The following CACNA2D3 variants were observed in gnomAD, a reference collection of about 807,000 sequenced individuals.
The protein encoded by CACNA2D3 is calcium voltage-gated channel auxiliary subunit alpha2delta 3.
In CACNA2D3, 60 loss-of-function variants were observed where a neutral mutation model predicts 160.6. The ratio of observed to expected loss-of-function variants is 0.37; its 90% CI spans 0.30 to 0.46. The LOEUF (loss-of-function observed/expected upper bound fraction) is 0.46, where lower values mean the gene tolerates loss of function less well. Ranked by LOEUF, CACNA2D3 falls within the 20% of genes least tolerant of loss-of-function variation. The pLI is 1.00. For missense variants in CACNA2D3, 1,205 were observed against 1,365.0 expected, an observed-to-expected ratio of 0.88 and a Z score of 1.85; for synonymous variants, 558 against 492.9, an observed-to-expected ratio of 1.13 and a Z score of -1.75.
intron 2 of CACNA2D3, among the ~76,000 whole-genome samples, chr3:54,265,676 G>GTA (rs748735473): frequency 1.0e-4 from 13 of 128,088 alleles, no homozygotes; most frequent in African/African-American, 1.8e-4. Flanking sequence ...TATAGTGTGT[G>GTA]TATATATATA....
chr3:54,309,849 C>A (rs1268239228), intron 2 of CACNA2D3, among the ~76,000 whole-genome samples: 1 of 152,014 alleles, frequency 6.6e-6, no homozygotes, highest in Middle Eastern at 3.2e-3. Context: ...GCTCTGAATC[C>A]CTCAAGCCGG....
In CACNA2D3 at chr3:55,057,593, G is replaced by C. The variant is rs546733780; in HGVS notation, c.2988-15852G>C. Among the ~76,000 whole-genome samples the C allele has an allele frequency of 5.0e-3, 767 of 152,216 alleles. 8 individuals carry two copies. The highest frequency in any genetic ancestry group is 0.027 in the Middle Eastern group (8 of 294). On this transcript the variant is annotated intron_variant, in intron 35 of 37. Transcript: ENST00000474759. Reference sequence around the variant, plus strand: ...AATATTTTAGTATTATATTGGGAAGGGATCTTAGAAATCACTTATGAGGTA... The same window carrying C: ...AATATTTTAGTATTATATTGGGAAGCGATCTTAGAAATCACTTATGAGGTA...
In CACNA2D3 at chr3:54,285,328, A is replaced by G. The variant is rs1428104627; in HGVS notation, c.205-35114A>G. Among the ~76,000 whole-genome samples the G allele has an allele frequency of 2.6e-5, 4 of 152,324 alleles. No individual in the cohort carries two copies. The East Asian group carries it at 7.7e-4, about 29-fold the overall frequency. The stretch of plus-strand genomic sequence containing the variant: ...GTCCTACGCCCACGAAGTCTCGCTG[A>G]TAGCTAGCACAGCAGTCTGAGATCA... On this transcript the variant is annotated intron_variant, in intron 2 of 37. Coordinates refer to ENST00000474759, the MANE Select transcript of CACNA2D3 (RefSeq NM_018398.3).
intron 2 of CACNA2D3, among the ~76,000 whole-genome samples, chr3:54,193,283 C>G (rs757924164): frequency 6.6e-6 from 1 of 152,150 alleles, no homozygotes; most frequent in Non-Finnish European, 1.5e-5. Flanking sequence ...CTCCAGGTGA[C>G]CCAGCAGCAG....
intron 2 of CACNA2D3, among the ~76,000 whole-genome samples, chr3:54,181,306 C>A (rs1700778707): frequency 6.6e-6 from 1 of 152,156 alleles, no homozygotes; most frequent in Admixed American, 6.5e-5. Context: ...GTAACAACAA[C>A]CATGAGGGGT....
At chr3:54,767,536 C>T (rs1044993734) in intron 13 of CACNA2D3, among the ~76,000 whole-genome samples, 15 of 152,014 alleles carry the variant, frequency 9.9e-5, no homozygotes, top group African/African-American at 3.4e-4. Context: ...TCTAAAGGAC[C>T]TATAAGCAGT....
chr3:54,303,527 A>G (rs936725378), intron 2 of CACNA2D3, among the ~76,000 whole-genome samples: 7 of 152,204 alleles, frequency 4.6e-5, no homozygotes, highest in African/African-American at 1.7e-4. Context: ...GTTTGCACAT[A>G]TGCACTGTGC....
intron 27 of CACNA2D3, among the ~76,000 whole-genome samples, chr3:54,930,590 G>A (rs1701163263): frequency 1.3e-5 from 2 of 152,184 alleles, no homozygotes; most frequent in Non-Finnish European, 2.9e-5. Flanking sequence ...AGAACCAAAG[G>A]CAGTCAAGGA....
chr3:54,283,970 G>C (rs1702947713), intron 2 of CACNA2D3, among the ~76,000 whole-genome samples: 1 of 152,250 alleles, frequency 6.6e-6, no homozygotes, highest in South Asian at 2.1e-4. Context: ...GCTGAGGCAC[G>C]GGAATTGCTT....
intron 11 of CACNA2D3, among the ~76,000 whole-genome samples, chr3:54,750,719 C>T (rs1030324263): frequency 6.6e-6 from 1 of 151,556 alleles, no homozygotes; most frequent in Admixed American, 6.6e-5. Context: ...GGGGGTGCAG[C>T]TATATGAAGG....
At chr3:54,305,895 A>C (rs1703588373) in intron 2 of CACNA2D3, among the ~76,000 whole-genome samples, 1 of 152,220 alleles carries the variant, frequency 6.6e-6, no homozygotes, top group African/African-American at 2.4e-5. Flanking sequence ...GTTTCCTGTG[A>C]TGTCATGGTT....
Position 55,018,261 on chromosome 3 carries a change from C to G in CACNA2D3, c.2931C>G (p.Val977=). 1 of 1,613,464 alleles carries G rather than the reference C, an allele frequency of 6.2e-7. No homozygotes were observed. Among genetic ancestry groups the G allele is most frequent in the East Asian group, 2.2e-5 (1 of 44,816 alleles). ...EPCDTEYPAF[V]SERTIKETTG... ...GTGATACTGAATATCCAGCATTCGT[C>G]TCTGAGCGCACCATCAAGGAGACTA... The change falls in exon 35 of 38, where the codon GTC becomes GTG. Residue 977 remains valine, a synonymous_variant. Coordinates refer to ENST00000474759, the MANE Select transcript of CACNA2D3 (RefSeq NM_018398.3).
At chr3:54,742,703 C>CT (rs1243783345) in intron 11 of CACNA2D3, among the ~76,000 whole-genome samples, 3 of 152,216 alleles carry the variant, frequency 2.0e-5, no homozygotes, top group Admixed American at 6.5e-5. Context: ...CTTTTCCCTA[C>CT]TAGGGAATCC....
At chr3:54,280,478 T>C (rs1702851391) in intron 2 of CACNA2D3, among the ~76,000 whole-genome samples, 1 of 152,194 alleles carries the variant, frequency 6.6e-6, no homozygotes, top group East Asian at 1.9e-4. Flanking sequence ...GAAGTTCCTG[T>C]ATTCATTAAA....
At chr3:54,419,315 G>A (rs1420606526) in intron 4 of CACNA2D3, among the ~76,000 whole-genome samples, 1 of 152,178 alleles carries the variant, frequency 6.6e-6, no homozygotes, top group Non-Finnish European at 1.5e-5. Context: ...CATCTTACTA[G>A]TCAGAGAGAA....
intron 11 of CACNA2D3, among the ~76,000 whole-genome samples, chr3:54,744,607 C>T (rs1284325036): frequency 6.6e-6 from 1 of 152,196 alleles, no homozygotes; most frequent in Non-Finnish European, 1.5e-5. Flanking sequence ...CCTTGGATGG[C>T]TTGTCAAAAC....
At chr3:54,952,829 GTGCTC>G (rs1251833226) in intron 27 of CACNA2D3, among the ~76,000 whole-genome samples, 1 of 152,086 alleles carries the variant, frequency 6.6e-6, no homozygotes, top group Non-Finnish European at 1.5e-5. Context: ...AGGATTCCAC[GTGCTC>G]TTTGGATGTT....
At position 55,074,446 on chromosome 3, in the gene CACNA2D3, C is replaced by T. The variant is rs1704907390; in HGVS notation, c.*240C>T. 1 of 515,396 alleles carries T rather than the reference C, an allele frequency of 1.9e-6. No homozygotes were observed. The highest frequency in any genetic ancestry group is 3.5e-5 in the Admixed American group (1 of 28,608). 31.9% of individuals were successfully genotyped at this position (515,396 alleles called of 1,614,324 possible). On this transcript the variant is annotated 3_prime_UTR_variant, in exon 38 of 38. Coordinates refer to ENST00000474759, the MANE Select transcript of CACNA2D3 (RefSeq NM_018398.3). ...ATGTGAGTTTGCCACATGATAATCACCCTTCATCAGAAATGGGACCGCAAG... is the reference window on the plus strand; with the variant it reads ...ATGTGAGTTTGCCACATGATAATCATCCTTCATCAGAAATGGGACCGCAAG...
At chr3:54,898,226 G>A (rs553481492) in intron 26 of CACNA2D3, among the ~76,000 whole-genome samples, 29 of 107,584 alleles carry the variant, frequency 2.7e-4, no homozygotes, top group Non-Finnish European at 1.8e-4. Context: ...GCCCCACCCC[G>A]TCTTTTTTTT....
Sources: allele counts gnomAD v4.1 joint callset (sites outside exome capture counted in the v4.1 genomes callset), GRCh38; gene constraint gnomAD v4.1.1; transcripts MANE v1.5; gene names NCBI Gene and HGNC (gene_info 2026-07-23, HGNC 2026-07-21).